The following NKAIN3 variants were observed in gnomAD, a reference collection of about 807,000 sequenced individuals.
NKAIN3 encodes the protein sodium/potassium transporting ATPase interacting 3, also known as sodium/potassium-transporting ATPase subunit beta-1-interacting protein 3.
In NKAIN3, 25 loss-of-function variants were observed where a neutral mutation model predicts 30.2. The ratio of observed to expected loss-of-function variants is 0.83; its 90% confidence interval spans 0.60 to 1.16. The LOEUF (loss-of-function observed/expected upper bound fraction) is 1.16. NKAIN3 is among the 50% of genes most tolerant of loss of function. NKAIN3 has a pLI of 0.00. For synonymous variants in NKAIN3, 91 were observed against 89.6 expected (o/e 1.02, Z -0.09); for missense variants, 225 against 254.1 (o/e 0.89, Z 0.78).
intron 4 of NKAIN3, among the ~76,000 whole-genome samples, chr8:62,777,347 GA>G: frequency 6.6e-6 from 1 of 151,980 alleles, no homozygotes; most frequent in Non-Finnish European, 1.5e-5. Flanking sequence ...CTCCTTTGAG[GA>G]TTTTTTTTTA....
intron 4 of NKAIN3, among the ~76,000 whole-genome samples, chr8:62,915,673 C>A (rs149181199): frequency 6.6e-6 from 1 of 152,130 alleles, no homozygotes; most frequent in South Asian, 2.1e-4. Flanking sequence ...TATACACACA[C>A]ACCCCTAAGG....
chr8:62,661,499 G>A (rs938570514), intron 3 of NKAIN3, among the ~76,000 whole-genome samples: 1 of 152,172 alleles, frequency 6.6e-6, no homozygotes, highest in Non-Finnish European at 1.5e-5. Context: ...AAGAAGGTGG[G>A]GGAGATTTAA....
intron 1 of NKAIN3, among the ~76,000 whole-genome samples, chr8:62,291,594 C>G (rs952551165): frequency 3.3e-5 from 5 of 152,196 alleles, no homozygotes; most frequent in Non-Finnish European, 7.3e-5. Flanking sequence ...GCACTGTGGT[C>G]TGAGAGACAG....
At chr8:62,930,122 G>T (rs1203795118) in intron 5 of NKAIN3, among the ~76,000 whole-genome samples, 1 of 152,172 alleles carries the variant, frequency 6.6e-6, no homozygotes, top group Non-Finnish European at 1.5e-5. Flanking sequence ...GGTACATTCA[G>T]AGTGTTGTGC....
At chr8:62,576,090 C>T (rs895146441) in intron 1 of NKAIN3, among the ~76,000 whole-genome samples, 1 of 152,006 alleles carries the variant, frequency 6.6e-6, no homozygotes, top group Non-Finnish European at 1.5e-5. Context: ...CAAGCACAGG[C>T]AACCAAACCA....
chr8:62,863,722 A>T lies in NKAIN3; in HGVS notation c.472-54731A>T, dbSNP rs1586283543. 1.9e-6 allele frequency: 3 copies of T among 1,577,166 alleles called. No homozygotes were observed. In the East Asian group the frequency reaches 6.7e-5, roughly 35 times the overall value. ...CTGTATCACGCTGAGCACTTTTTACAACTTTCATTGCAACAAATCTTTTCC... is the reference window on the plus strand; with the variant it reads ...CTGTATCACGCTGAGCACTTTTTACTACTTTCATTGCAACAAATCTTTTCC... On this transcript the variant is annotated intron_variant, in intron 4 of 6. Transcript: ENST00000623646.
intron 1 of NKAIN3, among the ~76,000 whole-genome samples, chr8:62,485,840 T>G (rs1220206571): frequency 6.6e-6 from 1 of 152,216 alleles, no homozygotes; most frequent in Non-Finnish European, 1.5e-5. Flanking sequence ...AGATCAGATA[T>G]GAACCCTGCA....
intron 1 of NKAIN3, among the ~76,000 whole-genome samples, chr8:62,562,651 C>G (rs570764541): frequency 1.3e-5 from 2 of 152,090 alleles, no homozygotes; most frequent in African/African-American, 4.8e-5. Flanking sequence ...ACTTTAACAC[C>G]ATCAACTGTG....
At chr8:62,435,278 A>G (rs532827161) in intron 1 of NKAIN3, among the ~76,000 whole-genome samples, 1 of 152,182 alleles carries the variant, frequency 6.6e-6, no homozygotes, top group East Asian at 1.9e-4. Flanking sequence ...CTGGGGGCCT[A>G]ATAACCAGTT....
chr8:62,678,701 TATA>T (rs1427686415), intron 3 of NKAIN3, among the ~76,000 whole-genome samples: 1 of 150,426 alleles, frequency 6.6e-6, no homozygotes, highest in Non-Finnish European at 1.5e-5. Flanking sequence ...ATATTGATAA[TATA>T]ATATAATGAT....
At chr8:62,629,407 T>C (rs1811887389) in intron 3 of NKAIN3, among the ~76,000 whole-genome samples, 1 of 152,136 alleles carries the variant, frequency 6.6e-6, no homozygotes, top group Non-Finnish European at 1.5e-5. Context: ...ATGCCTACTA[T>C]GCCAGGCACT....
At chr8:62,557,207 G>T (rs1230141230) in intron 1 of NKAIN3, among the ~76,000 whole-genome samples, 1 of 152,064 alleles carries the variant, frequency 6.6e-6, no homozygotes, top group Non-Finnish European at 1.5e-5. Context: ...ATAGTCTCCA[G>T]TCTCATCCAG....
At chr8:62,470,973 A>T (rs1806322976) in intron 1 of NKAIN3, among the ~76,000 whole-genome samples, 1 of 152,186 alleles carries the variant, frequency 6.6e-6, no homozygotes, top group African/African-American at 2.4e-5. Flanking sequence ...GACAATTAGG[A>T]TGTTTTCCTT....
At chr8:62,919,168 A>G (rs1298803614) in intron 5 of NKAIN3, among the ~76,000 whole-genome samples, 2 of 145,302 alleles carry the variant, frequency 1.4e-5, no homozygotes, top group Non-Finnish European at 3.0e-5. Flanking sequence ...CTGCTGATGT[A>G]TAAGACACTT....
chr8:62,632,892 A>G (rs112065027), intron 3 of NKAIN3, among the ~76,000 whole-genome samples: 368 of 152,294 alleles, frequency 2.4e-3, no homozygotes, highest in African/African-American at 8.2e-3. Flanking sequence ...TAATAAAAAT[A>G]TGCCCCTAAA....
intron 1 of NKAIN3, among the ~76,000 whole-genome samples, chr8:62,315,452 A>G (rs1814587589): frequency 6.6e-6 from 1 of 152,208 alleles, no homozygotes; most frequent in Admixed American, 6.5e-5. Context: ...AATAGTTCAT[A>G]GTATTTCATA....
chr8:62,830,429 A>C (rs1168261976), intron 4 of NKAIN3, among the ~76,000 whole-genome samples: 1 of 152,208 alleles, frequency 6.6e-6, no homozygotes, highest in Non-Finnish European at 1.5e-5. Flanking sequence ...AAATAGCATT[A>C]ACCAAGGGAC....
intron 1 of NKAIN3, among the ~76,000 whole-genome samples, chr8:62,567,767 T>G (rs947709779): frequency 1.3e-5 from 2 of 152,140 alleles, no homozygotes; most frequent in Non-Finnish European, 2.9e-5. Context: ...TTCTGATTCC[T>G]TGATTTTAGC....
chr8:62,932,196 A>G (rs1047550414), intron 5 of NKAIN3, among the ~76,000 whole-genome samples: 3 of 152,228 alleles, frequency 2.0e-5, no homozygotes, highest in Non-Finnish European at 4.4e-5. Context: ...TTAAATAGCT[A>G]ATTTTTCACT....
Sources: allele counts gnomAD v4.1 joint callset (sites outside exome capture counted in the v4.1 genomes callset), GRCh38; gene constraint gnomAD v4.1.1; transcripts MANE v1.5; gene names NCBI Gene and HGNC (gene_info 2026-07-23, HGNC 2026-07-21).